Variants in SMAD4 observed in about 807,000 individuals in gnomAD.
SMAD4 encodes SMAD family member 4.
Under a neutral mutation model 63.2 loss-of-function variants are expected in SMAD4, and 7 were observed. The ratio of observed to expected loss-of-function variants is 0.11; its 90% CI spans 0.06 to 0.21. The LOEUF (loss-of-function observed/expected upper bound fraction) is 0.21. SMAD4 is among the 10% of genes least tolerant of loss of function. The pLI is 1.00. For synonymous variants in SMAD4, 215 were observed against 235.4 expected (o/e 0.91, Z 0.79); for missense variants, 312 against 693.8 (o/e 0.45, Z 6.18).
At chr18:51,038,397 AT>A (rs1909274949) in intron 1 of SMAD4, among the ~76,000 whole-genome samples, 1 of 152,216 alleles carries the variant, frequency 6.6e-6, no homozygotes, top group South Asian at 2.1e-4. Context: ...AGACAAATGG[AT>A]TTTTATATAC....
intron 7 of SMAD4, among the ~76,000 whole-genome samples, chr18:51,059,291 C>A (rs1397581142): frequency 6.6e-6 from 1 of 152,170 alleles, no homozygotes; most frequent in Non-Finnish European, 1.5e-5. Context: ...GGGTTTGGAC[C>A]TTTAACAGGC....
intron 4 of SMAD4, chr18:51,051,498 C>G: frequency 4.7e-6 from 2 of 426,972 alleles, no homozygotes; most frequent in Non-Finnish European, 9.3e-6. Flanking sequence ...CTATCTTTTA[C>G]CTTTCATGAA....
chr18:51,044,969 T>G (rs991521976), intron 1 of SMAD4: 1 of 152,236 alleles, frequency 6.6e-6, no homozygotes, highest in African/African-American at 2.4e-5. Flanking sequence ...AAAAACTGCT[T>G]CTCTGCATGG....
At chr18:51,054,360 G>GAT (rs1181351531) in intron 4 of SMAD4, 1 of 209,790 alleles carries the variant, frequency 4.8e-6, no homozygotes, top group Admixed American at 5.3e-5. Flanking sequence ...TTAACAAAAA[G>GAT]ATATAGTTAA....
chr18:51,058,689 CATT>C (rs1568206295), intron 7 of SMAD4, among the ~76,000 whole-genome samples: 1 of 152,164 alleles, frequency 6.6e-6, no homozygotes, highest in East Asian at 1.9e-4. Flanking sequence ...GCTAATGTTT[CATT>C]AACATCACAT....
intron 5 of SMAD4, 33 bp from the exon 6 acceptor site, chr18:51,058,092 A>G (rs1173047817): frequency 6.2e-7 from 1 of 1,609,780 alleles, no homozygotes; most frequent in African/African-American, 1.3e-5. Context: ...ACATCTATGA[A>G]TGTACCATGT....
intron 10 of SMAD4, among the ~76,000 whole-genome samples, chr18:51,067,826 G>A (rs1910205841): frequency 2.0e-5 from 3 of 152,154 alleles, no homozygotes; most frequent in Admixed American, 2.0e-4. Context: ...TTTCATCTTA[G>A]CCAATCTTCA....
chr18:51,082,966 A>G lies in SMAD4; in HGVS notation c.*4499A>G. 1 of 226,508 alleles carries G rather than the reference A, an allele frequency of 4.4e-6. No homozygotes were observed. The highest frequency in any genetic ancestry group is 2.2e-5 in the African/African-American group (1 of 45,110). 14.0% of individuals were successfully genotyped at this position (226,508 alleles called of 1,614,324 possible). A position where few individuals can be genotyped will look rare whatever the true frequency, so the allele number is the denominator to read the frequency against. ...ACACTTTCCTGTGAAGTGCTGAAAA[A>G]GACCTCATTGTATTGGCATTTGATA... On this transcript the variant is annotated 3_prime_UTR_variant, in exon 12 of 12. Coordinates refer to ENST00000342988, the MANE Select transcript of SMAD4 (RefSeq NM_005359.6).
At chr18:51,039,914 A>G (rs1909323617) in intron 1 of SMAD4, among the ~76,000 whole-genome samples, 1 of 152,064 alleles carries the variant, frequency 6.6e-6, no homozygotes, top group South Asian at 2.1e-4. Flanking sequence ...TGTTGCTTTT[A>G]TTGCTGTATA....
At chr18:51,077,481 G>A (rs918538099) in intron 11 of SMAD4, 2 of 519,986 alleles carry the variant, frequency 3.8e-6, no homozygotes, top group Non-Finnish European at 4.9e-6. Context: ...TACAGTACAT[G>A]CAAATTCCTC....
At chr18:51,034,758 C>T (rs1909156127) in intron 1 of SMAD4, among the ~76,000 whole-genome samples, 1 of 152,018 alleles carries the variant, frequency 6.6e-6, no homozygotes, top group South Asian at 2.1e-4. Flanking sequence ...GTTGCCCAGG[C>T]TGGTCTTGAA....
chr18:51,057,362 A>G (rs1449685793), intron 5 of SMAD4, among the ~76,000 whole-genome samples: 6 of 152,204 alleles, frequency 3.9e-5, no homozygotes, highest in Non-Finnish European at 8.8e-5. Flanking sequence ...AAGCAATATC[A>G]TAGGATGGTT....
intron 9 of SMAD4, among the ~76,000 whole-genome samples, chr18:51,066,421 G>A (rs576698550): frequency 2.0e-5 from 3 of 151,846 alleles, no homozygotes; most frequent in African/African-American, 4.8e-5. Context: ...TTCCATTTTA[G>A]CTACTGTATG....
intron 1 of SMAD4, among the ~76,000 whole-genome samples, chr18:51,037,660 A>G (rs773653869): frequency 3.9e-5 from 6 of 152,248 alleles, no homozygotes; most frequent in Non-Finnish European, 7.3e-5. Context: ...TGCACATTGA[A>G]GTACAGTGTT....
At position 51,058,239 on chromosome 18, in the gene SMAD4, A is replaced by G; in HGVS notation, c.782A>G (p.His261Arg). 2 of 1,614,170 alleles carry G rather than the reference A, an allele frequency of 1.2e-6. No homozygotes were observed. Among genetic ancestry groups the G allele is most frequent in the Non-Finnish European group, 1.7e-6 (2 of 1,180,014 alleles). Residue 261 changes from histidine to arginine, a missense_variant, in exon 6 of 12, where the codon CAT becomes CGT. Around this residue, in one of 4 missense-constraint regions of SMAD4, gnomAD observed 169 missense variants for 211.0 expected, o/e 0.80. Transcript: ENST00000342988. Reference protein sequence around the residue: ...NGFTGQPATYHHNSTTTWTGS... With the variant: ...NGFTGQPATYRHNSTTTWTGS... Reference sequence around the variant, plus strand: ...TTTACTGGTCAGCCAGCTACTTACCATCATAGTATGTACATACTTTAAAAA... The same window carrying G: ...TTTACTGGTCAGCCAGCTACTTACCGTCATAGTATGTACATACTTTAAAAA...
chr18:51,068,491 AAATT>A (rs1231170826), intron 10 of SMAD4, among the ~76,000 whole-genome samples: 1 of 152,240 alleles, frequency 6.6e-6, no homozygotes, highest in Non-Finnish European at 1.5e-5. Flanking sequence ...TACACTTAAT[AAATT>A]AGCATCAATT....
At chr18:51,047,617 T>C (rs1909584665) in intron 2 of SMAD4, among the ~76,000 whole-genome samples, 1 of 151,978 alleles carries the variant, frequency 6.6e-6, no homozygotes, top group Non-Finnish European at 1.5e-5. Flanking sequence ...TTTCTTTTTT[T>C]TTTTTTTCCT....
At chr18:51,035,415 A>C (rs1477543190) in intron 1 of SMAD4, among the ~76,000 whole-genome samples, 2 of 152,148 alleles carry the variant, frequency 1.3e-5, no homozygotes, top group Non-Finnish European at 2.9e-5. Flanking sequence ...GGTGGCTCAC[A>C]TCTATAATCT....
rs538751798 is a variant in SMAD4, at chr18:51,063,708, C to T, written c.956-1715C>T. Among the ~76,000 whole-genome samples the T allele has an allele frequency of 7.2e-5, 11 of 152,198 alleles. No individual in the cohort carries two copies. In the East Asian group the frequency reaches 1.2e-3, roughly 16 times the overall value. On this transcript the variant is annotated intron_variant, in intron 8 of 11. Coordinates refer to ENST00000342988, the MANE Select transcript of SMAD4 (RefSeq NM_005359.6). The stretch of plus-strand genomic sequence containing the variant: ...GATTATAGGCATGAGCCACCATGCC[C>T]GGCTGAAAATAATTTCATAAATACT...
Sources: allele counts gnomAD v4.1 joint callset (sites outside exome capture counted in the v4.1 genomes callset), GRCh38; gene constraint gnomAD v4.1.1; regional missense constraint gnomAD v4.1.1; transcripts MANE v1.5; gene names NCBI Gene and HGNC (gene_info 2026-07-23, HGNC 2026-07-21).